The following RMDN2 variants were observed in gnomAD, a reference collection of about 807,000 sequenced individuals.
RMDN2 encodes regulator of microtubule dynamics 2.
A neutral mutation model predicts 52.8 loss-of-function variants in RMDN2; 61 were observed. That is an observed-to-expected ratio of 1.16 (90% confidence interval 0.94 to 1.43). RMDN2 has a LOEUF of 1.43. Among genes scored for constraint, RMDN2 ranks in the 40% most tolerant of loss-of-function variants. The probability of loss-of-function intolerance (pLI) is 0.00; values close to 1 mark genes in which losing one functional copy is unlikely to be tolerated. For missense variants in RMDN2, 592 were observed against 475.3 expected (o/e 1.25, Z -2.28); for synonymous variants, 180 against 153.1 (o/e 1.18, Z -1.30).
chr2:37,969,186 T>C (rs1319395244), intron 2 of RMDN2, among the ~76,000 whole-genome samples: 1 of 152,108 alleles, frequency 6.6e-6, no homozygotes, highest in Non-Finnish European at 1.5e-5. Context: ...TTCTTCAAAA[T>C]TGTCTTGGCT....
rs575831196 is a variant in RMDN2, at chr2:38,004,315, T to C, written c.1179+99T>C. The C allele has an allele frequency of 2.0e-4, 150 of 768,576 alleles. No individual in the cohort carries two copies. In the Middle Eastern group the frequency reaches 3.1e-3, roughly 16 times the overall value. The allele number at this position is 768,576 out of a possible 1,614,324, so 47.6% of individuals were successfully genotyped here. ...TTAGATACATTTGTAGTTTTCTCTATTCAATTTTATGTATTTATTTTTATT... is the reference window on the plus strand; with the variant it reads ...TTAGATACATTTGTAGTTTTCTCTACTCAATTTTATGTATTTATTTTTATT... On this transcript the variant is annotated intron_variant, in intron 10 of 10. Coordinates refer to ENST00000354545, the MANE Select transcript of RMDN2 (RefSeq NM_001170791.3).
chr2:38,030,768 A>G (rs949880976), intron 10 of RMDN2: 1 of 152,226 alleles, frequency 6.6e-6, no homozygotes, highest in Non-Finnish European at 1.5e-5. Context: ...TGAAGGTCAC[A>G]CACTTTGTTT....
rs145815616 is a variant in RMDN2 at position 38,049,068 on chromosome 2, G to C, written c.1714-17914G>C. Among the ~76,000 whole-genome samples, 16 of 152,296 alleles carry C rather than the reference G, an allele frequency of 1.1e-4. No homozygotes were observed. The East Asian group carries it at 2.5e-3, about 24-fold the overall frequency. ...TTTAAATCATTCTGTTTATTTTCTA[G>C]TCTGTAGAATATGGAAAATATAATC... On this transcript the variant is annotated intron_variant, in intron 10 of 10. Coordinates refer to the RMDN2 transcript ENST00000234195.
At chr2:37,954,434 A>G (rs2124980500) in intron 2 of RMDN2, among the ~76,000 whole-genome samples, 1 of 152,210 alleles carries the variant, frequency 6.6e-6, no homozygotes, top group Admixed American at 6.6e-5. Flanking sequence ...CAGTTTTCTC[A>G]ACACCATTTG....
At chr2:38,043,324 T>A (rs1420996996) in intron 10 of RMDN2, among the ~76,000 whole-genome samples, 4 of 152,198 alleles carry the variant, frequency 2.6e-5, no homozygotes, top group Non-Finnish European at 5.9e-5. Flanking sequence ...GCAGCTTTTT[T>A]AAATTAGTGT....
chr2:37,969,035 T>TG (rs1310292528), intron 2 of RMDN2, among the ~76,000 whole-genome samples: 1 of 151,286 alleles, frequency 6.6e-6, no homozygotes, highest in South Asian at 2.1e-4. Flanking sequence ...TTCCCACAGC[T>TG]GGGTTTTTTT....
chr2:37,962,095 T>C (rs1670315000), intron 2 of RMDN2, among the ~76,000 whole-genome samples: 1 of 152,226 alleles, frequency 6.6e-6, no homozygotes, highest in South Asian at 2.1e-4. Context: ...CACCAGATGC[T>C]GACTGGAGCT....
intron 2 of RMDN2, among the ~76,000 whole-genome samples, chr2:37,946,666 C>T (rs1284904358): frequency 6.6e-6 from 1 of 152,006 alleles, no homozygotes; most frequent in Admixed American, 6.6e-5. Flanking sequence ...GGTGGTTGCC[C>T]CATTTGAGAT....
At chr2:38,024,164 C>T (rs938758513) in intron 10 of RMDN2, among the ~76,000 whole-genome samples, 1 of 151,946 alleles carries the variant, frequency 6.6e-6, no homozygotes, top group African/African-American at 2.4e-5. Context: ...AGAAATATAC[C>T]ATAGTTTGCT....
At chr2:37,986,005 C>T (rs1445603321) in intron 5 of RMDN2, among the ~76,000 whole-genome samples, 3 of 152,016 alleles carry the variant, frequency 2.0e-5, no homozygotes. Context: ...CTAGGTGTGG[C>T]ATGTAAGGGA....
At chr2:38,015,947 A>C (rs1678714279) in intron 10 of RMDN2, among the ~76,000 whole-genome samples, 1 of 152,224 alleles carries the variant, frequency 6.6e-6, no homozygotes, top group Non-Finnish European at 1.5e-5. Context: ...GATTTGGGAG[A>C]AAAGGAATAA....
intron 10 of RMDN2, among the ~76,000 whole-genome samples, chr2:38,057,993 G>C (rs1681907998): frequency 2.0e-5 from 3 of 152,222 alleles, no homozygotes; most frequent in Admixed American, 2.0e-4. Flanking sequence ...AGGACTGTGA[G>C]AATAGACTAA....
At chr2:38,023,642 A>G (rs1036337618) in intron 10 of RMDN2, among the ~76,000 whole-genome samples, 8 of 152,186 alleles carry the variant, frequency 5.3e-5, no homozygotes, top group African/African-American at 1.9e-4. Context: ...ATTAACAAGA[A>G]TAGTTGATTT....
In RMDN2 at chr2:37,974,202, C is replaced by G. The variant is rs201685599; in HGVS notation, c.615C>G (p.Asp205Glu). Residue 205 changes from aspartate to glutamate, a missense_variant, in exon 3 of 11, where the codon GAC becomes GAG. Coordinates refer to ENST00000354545, the MANE Select transcript of RMDN2 (RefSeq NM_001170791.3). The stretch of plus-strand genomic sequence containing the variant: ...CGGAGAGTTTTGAACTACTTCGTGA[C>G]CACAAAGAAAAGGTAAGAGACATAA... ...GKSESFELLRDHKEKFRDEIE... is the reference protein window; with the variant it reads ...GKSESFELLREHKEKFRDEIE... 1.2e-5 allele frequency: 19 copies of G among 1,610,072 alleles called. No homozygotes were observed. The highest frequency in any genetic ancestry group is 1.5e-5 in the Non-Finnish European group (18 of 1,178,164).
chr2:37,952,338 C>T (rs777866831), intron 2 of RMDN2: 3 of 764,138 alleles, frequency 3.9e-6, no homozygotes, highest in Non-Finnish European at 6.3e-6. Flanking sequence ...GAAGAAGATT[C>T]CTACATTGCA....
chr2:37,957,879 C>T (rs1669685545), intron 2 of RMDN2, among the ~76,000 whole-genome samples: 1 of 152,116 alleles, frequency 6.6e-6, no homozygotes. Context: ...GCCAGTTTTC[C>T]CAATACCATT....
At chr2:38,052,044 T>C (rs1293005224) in intron 10 of RMDN2, among the ~76,000 whole-genome samples, 2 of 152,246 alleles carry the variant, frequency 1.3e-5, no homozygotes, top group African/African-American at 4.8e-5. Context: ...AGTGGTGGGA[T>C]TGCTGGATTG....
intron 7 of RMDN2, 47 bp downstream of exon 7, chr2:37,991,344 AT>A: frequency 1.1e-6 from 1 of 925,788 alleles, no homozygotes; most frequent in Non-Finnish European, 1.6e-6. Flanking sequence ...ATATACTATG[AT>A]TATAGGATAA....
At chr2:37,953,197 T>C (rs1351288412) in intron 2 of RMDN2, 1 of 152,034 alleles carries the variant, frequency 6.6e-6, no homozygotes, top group African/African-American at 2.4e-5. Context: ...TTGTGATAAA[T>C]ATAAAATTTA....
Sources: allele counts gnomAD v4.1 joint callset (sites outside exome capture counted in the v4.1 genomes callset), GRCh38; gene constraint gnomAD v4.1.1; transcripts MANE v1.5; gene names NCBI Gene and HGNC (gene_info 2026-07-23, HGNC 2026-07-21).